Variants in CAMK1D observed in about 807,000 individuals in gnomAD.
CAMK1D encodes the protein calcium/calmodulin-dependent protein kinase type 1D.
CAMK1D carries 9 observed loss-of-function variants against 47.7 expected under a neutral mutation model. The ratio of observed to expected loss-of-function variants is 0.19; its 90% CI spans 0.11 to 0.33. The LOEUF is 0.33. Among genes scored for constraint, CAMK1D ranks in the 10% least tolerant of loss-of-function variants. The pLI is 1.00. For synonymous variants in CAMK1D, 184 were observed against 184.9 expected (o/e 0.99, Z 0.04); for missense variants, 291 against 488.7 (o/e 0.60, Z 3.81).
chr10:12,581,174 T>TTATG (rs1837652492), intron 2 of CAMK1D, among the ~76,000 whole-genome samples: 1 of 152,244 alleles, frequency 6.6e-6, no homozygotes, highest in South Asian at 2.1e-4. Flanking sequence ...TCACTTAGTA[T>TTATG]TATGGTCTCC....
intron 2 of CAMK1D, among the ~76,000 whole-genome samples, chr10:12,555,985 C>T (rs2132278827): frequency 6.6e-6 from 1 of 152,298 alleles, no homozygotes; most frequent in South Asian, 2.1e-4. Flanking sequence ...CATTTAAAAA[C>T]CAAGGAGGGC....
intron 2 of CAMK1D, among the ~76,000 whole-genome samples, chr10:12,666,097 T>A (rs368168047): frequency 1.4e-4 from 22 of 152,254 alleles, no homozygotes; most frequent in Admixed American, 7.2e-4. Flanking sequence ...ATGCTGGTGC[T>A]GCCTGTTTGA....
intron 2 of CAMK1D, among the ~76,000 whole-genome samples, chr10:12,640,733 G>A (rs942652917): frequency 3.3e-4 from 50 of 152,222 alleles, no homozygotes; most frequent in African/African-American, 1.1e-3. Flanking sequence ...CATCCGTGCC[G>A]TGCTGTGTGA....
intron 1 of CAMK1D, among the ~76,000 whole-genome samples, chr10:12,540,059 G>A (rs1836114992): frequency 1.3e-5 from 2 of 151,964 alleles, no homozygotes; most frequent in Admixed American, 6.6e-5. Flanking sequence ...GACTACAGGT[G>A]TGTGCAACTA....
intron 6 of CAMK1D, among the ~76,000 whole-genome samples, chr10:12,809,602 T>C (rs1377634936): frequency 1.3e-5 from 2 of 152,188 alleles, no homozygotes; most frequent in African/African-American, 4.8e-5. Context: ...CTTGAGGACA[T>C]TGACACAGTG....
At chr10:12,475,813 C>T (rs1456732852) in intron 1 of CAMK1D, among the ~76,000 whole-genome samples, 6 of 151,938 alleles carry the variant, frequency 3.9e-5, no homozygotes, top group African/African-American at 9.7e-5. Flanking sequence ...GTTCTCCTCG[C>T]ACTTGTATTC....
intron 2 of CAMK1D, among the ~76,000 whole-genome samples, chr10:12,581,982 G>T (rs910000956): frequency 3.9e-5 from 6 of 152,066 alleles, no homozygotes; most frequent in African/African-American, 7.2e-5. Flanking sequence ...GTCTAGAGGG[G>T]TTTTTTTGAT....
chr10:12,667,220 G>A (rs897719592), intron 3 of CAMK1D, among the ~76,000 whole-genome samples: 1 of 152,232 alleles, frequency 6.6e-6, no homozygotes, highest in Non-Finnish European at 1.5e-5. Flanking sequence ...CCGGGGGAGG[G>A]AAGCAGATGG....
intron 1 of CAMK1D, among the ~76,000 whole-genome samples, chr10:12,413,512 G>GATGGTGATAATGGTGATGATGAGT (rs1292092285): frequency 4.1e-4 from 2 of 4,820 alleles, no homozygotes; most frequent in Admixed American, 2.3e-3. Flanking sequence ...CAGTGGTGAT[G>GATGGTGATAATGGTGATGATGAGT]ATGATGGTGA....
Position 12,816,339 on chromosome 10 carries a change from G to A in CAMK1D, c.833+11G>A. 6.2e-7 allele frequency: 1 copy of A among 1,611,412 alleles called. No individual in the cohort carries two copies. Among genetic ancestry groups the A allele is most frequent in the Non-Finnish European group, 8.5e-7 (1 of 1,178,370 alleles). On this transcript the variant is annotated intron_variant, in intron 8 of 10. Coordinates refer to ENST00000619168, the MANE Select transcript of CAMK1D (RefSeq NM_153498.4). The stretch of plus-strand genomic sequence containing the variant: ...AGCTCGGCACCCATGGTAAGGAAAT[G>A]CACCCGCTCAGCAGACCGTGCCATT...
chr10:12,712,623 A>AATC (rs770287835), intron 3 of CAMK1D, among the ~76,000 whole-genome samples: 2 of 152,162 alleles, frequency 1.3e-5, no homozygotes, highest in Non-Finnish European at 2.9e-5. Flanking sequence ...TAGGGACACT[A>AATC]ATCGCATCCT....
chr10:12,766,517 C>T (rs1250475881), intron 4 of CAMK1D, among the ~76,000 whole-genome samples: 1 of 152,048 alleles, frequency 6.6e-6, no homozygotes, highest in East Asian at 1.9e-4. Context: ...CAGCTGCTGG[C>T]ATTCACCAGT....
intron 1 of CAMK1D, among the ~76,000 whole-genome samples, chr10:12,412,693 CAAAAAAA>C (rs571912414): frequency 4.4e-5 from 2 of 45,158 alleles, no homozygotes; most frequent in African/African-American, 1.7e-4. Flanking sequence ...GAGACGCCAT[CAAAAAAA>C]AAAAAAAAAA....
chr10:12,407,849 CT>C (rs1347791228), intron 1 of CAMK1D, among the ~76,000 whole-genome samples: 1,435 of 126,260 alleles, frequency 0.011, 33 homozygotes, highest in African/African-American at 0.039. Flanking sequence ...TTGGCTGACT[CT>C]TTTTTTTTTT....
chr10:12,467,115 T>C (rs1833615324), intron 1 of CAMK1D, among the ~76,000 whole-genome samples: 2 of 152,096 alleles, frequency 1.3e-5, no homozygotes, highest in South Asian at 4.1e-4. Flanking sequence ...GTGGAACGTG[T>C]AATAAATATT....
intron 5 of CAMK1D, among the ~76,000 whole-genome samples, chr10:12,784,236 G>C (rs1472021486): frequency 2.3e-5 from 3 of 130,042 alleles, no homozygotes; most frequent in South Asian, 4.8e-4. Context: ...TTTCACTCTT[G>C]TTGTCCAGGC....
At chr10:12,790,690 C>T (rs1400590741) in intron 5 of CAMK1D, among the ~76,000 whole-genome samples, 1 of 151,934 alleles carries the variant, frequency 6.6e-6, no homozygotes, top group Admixed American at 6.6e-5. Flanking sequence ...CTTCATATTT[C>T]TTTCTAGTTA....
intron 3 of CAMK1D, among the ~76,000 whole-genome samples, chr10:12,750,593 C>A (rs1039192973): frequency 1.3e-5 from 2 of 151,818 alleles, no homozygotes; most frequent in African/African-American, 4.8e-5. Flanking sequence ...CAGAAGAGGC[C>A]GGGAGGAGAG....
At chr10:12,540,684 A>G (rs1054919970) in intron 1 of CAMK1D, among the ~76,000 whole-genome samples, 1 of 152,222 alleles carries the variant, frequency 6.6e-6, no homozygotes, top group South Asian at 2.1e-4. Context: ...AAATTAAGCT[A>G]ATCGTGTGGG....
Sources: gnomAD v4.1 joint callset for allele counts (sites outside exome capture counted in the v4.1 genomes callset) on GRCh38, gnomAD v4.1.1 for gene constraint, MANE v1.5 for transcripts, NCBI Gene and HGNC (gene_info 2026-07-23, HGNC 2026-07-21) for gene names.